Variants in KCNG2 observed in about 807,000 individuals in gnomAD.
KCNG2 encodes potassium voltage-gated channel modifier subfamily G member 2, also known as voltage-gated potassium channel regulatory subunit KCNG2.
A neutral mutation model predicts 12.3 loss-of-function variants in KCNG2; 7 were observed. That is an observed-to-expected ratio of 0.57 (90% confidence interval 0.32 to 1.07). KCNG2 has a LOEUF of 1.07. Among genes scored for constraint, KCNG2 ranks in the 50% least tolerant of loss-of-function variants. The probability of loss-of-function intolerance (pLI) is 0.04; values close to 1 mark genes in which losing one functional copy is unlikely to be tolerated. For synonymous variants in KCNG2, 414 were observed against 351.4 expected, an observed-to-expected ratio of 1.18 and a Z score of -1.99; for missense variants, 703 against 726.0, an observed-to-expected ratio of 0.97 and a Z score of 0.36.
chr18:79,848,830 TG>T (rs1978713827), intron 1 of KCNG2, among the ~76,000 whole-genome samples: 1 of 152,152 alleles, frequency 6.6e-6, no homozygotes, highest in Non-Finnish European at 1.5e-5. Flanking sequence ...ACTGCCCGGC[TG>T]GAAGAGCCTC....
chr18:79,850,922 G>A (rs1222465433), intron 1 of KCNG2, among the ~76,000 whole-genome samples: 1 of 152,162 alleles, frequency 6.6e-6, no homozygotes, highest in Non-Finnish European at 1.5e-5. Flanking sequence ...GAGTGGACGG[G>A]GCCTGCGGTT....
chr18:79,823,280 C>T (rs2087585857), intron 1 of KCNG2, among the ~76,000 whole-genome samples: 1 of 152,196 alleles, frequency 6.6e-6, no homozygotes, highest in African/African-American at 2.4e-5. Context: ...GGGCTGTTTC[C>T]AGGGTTTTGC....
intron 1 of KCNG2, among the ~76,000 whole-genome samples, chr18:79,828,449 GTGTGTGCAAATGTGTGTC>G (rs1978287859): frequency 6.6e-6 from 1 of 151,042 alleles, no homozygotes; most frequent in African/African-American, 2.4e-5. Context: ...AGTGTGTGGT[GTGTGTGCAAATGTGTGTC>G]TGTGTGTGCA....
intron 3 of KCNG2, among the ~76,000 whole-genome samples, chr18:79,873,375 CCTCT>C (rs1158218681): frequency 6.6e-6 from 1 of 151,552 alleles, no homozygotes; most frequent in Non-Finnish European, 1.5e-5. Context: ...ACTCCCGTTC[CCTCT>C]GTCACTCCCC....
At position 79,899,275 on chromosome 18, in the gene KCNG2, T is replaced by A; in HGVS notation, c.860T>A (p.Leu287Gln). Residue 287 changes from leucine to glutamine, a missense_variant, in exon 4 of 4, where the codon CTG (leucine) becomes CAG (glutamine). Transcript: ENST00000316249. Reference sequence around the variant, plus strand: ...CTCCTGGAGCGCGCGGGGCTGGTGCTGCGGCTGCTGCGTGCGCTGCGCGTG... The same window carrying A: ...CTCCTGGAGCGCGCGGGGCTGGTGCAGCGGCTGCTGCGTGCGCTGCGCGTG... ...TKLLERAGLV[L>Q]RLLRALRVLY... is the part of the protein sequence containing the mutation. 6.3e-7 allele frequency: 1 copy of A among 1,577,354 alleles called. No homozygotes were observed. Among genetic ancestry groups the A allele is most frequent in the Non-Finnish European group, 8.5e-7 (1 of 1,169,970 alleles).
At chr18:79,802,758 G>A (rs2087421152) in intron 1 of KCNG2, among the ~76,000 whole-genome samples, 1 of 152,060 alleles carries the variant, frequency 6.6e-6, no homozygotes, top group Non-Finnish European at 1.5e-5. Flanking sequence ...CTTTTGGAGG[G>A]GATGTCTTTG....
At chr18:79,814,542 T>A (rs2087514547) in intron 1 of KCNG2, among the ~76,000 whole-genome samples, 1 of 152,106 alleles carries the variant, frequency 6.6e-6, no homozygotes, top group South Asian at 2.1e-4. Context: ...AGGACAAGCT[T>A]ATAGAGATGA....
chr18:79,882,032 G>A (rs1980316805), intron 3 of KCNG2, among the ~76,000 whole-genome samples: 1 of 150,892 alleles, frequency 6.6e-6, no homozygotes. Context: ...CATGCCTTAC[G>A]TTTTATACAA....
intron 3 of KCNG2, among the ~76,000 whole-genome samples, chr18:79,889,742 T>C (rs1980680654): frequency 6.6e-6 from 1 of 152,244 alleles, no homozygotes; most frequent in Admixed American, 6.5e-5. Context: ...TTAACCTGCC[T>C]GATCGTCCTG....
intron 3 of KCNG2, among the ~76,000 whole-genome samples, chr18:79,868,633 TG>T (rs1386261620): frequency 2.0e-5 from 3 of 152,332 alleles, no homozygotes; most frequent in South Asian, 2.1e-4. Flanking sequence ...AGCGTCCAGC[TG>T]GGGGCTGGTG....
chr18:79,884,298 G>A lies in KCNG2; in HGVS notation c.625-14742G>A, dbSNP rs944156364. 1.3e-5 allele frequency among the ~76,000 whole-genome samples: 2 copies of A among 148,242 alleles called. No individual in the cohort carries two copies. The highest frequency in any genetic ancestry group is 2.1e-4 in the South Asian group (1 of 4,716). ...CACACCTGCACCCCCAAGAGAATTCGCCCCATCTAGGTCCCACCTAATGAC... is the reference window on the plus strand; with the variant it reads ...CACACCTGCACCCCCAAGAGAATTCACCCCATCTAGGTCCCACCTAATGAC... On this transcript the variant is annotated intron_variant, in intron 3 of 3. Coordinates refer to ENST00000316249, the MANE Select transcript of KCNG2 (RefSeq NM_012283.2). This position sits in a 1 kb window ranked among gnomAD's most constrained non-coding sequence, Gnocchi z 5.5.
At chr18:79,880,042 CTG>C (rs1215549072) in intron 3 of KCNG2, among the ~76,000 whole-genome samples, 5 of 152,280 alleles carry the variant, frequency 3.3e-5, no homozygotes, top group African/African-American at 9.6e-5. Flanking sequence ...TTTCTTAACA[CTG>C]TGAACGCGCA....
At chr18:79,851,817 T>A (rs1244073740) in intron 1 of KCNG2, among the ~76,000 whole-genome samples, 1 of 152,062 alleles carries the variant, frequency 6.6e-6, no homozygotes, top group Non-Finnish European at 1.5e-5. Context: ...TGAATGTGCA[T>A]GTGAATGGGT....
intron 1 of KCNG2, among the ~76,000 whole-genome samples, chr18:79,833,726 A>G (rs1568250518): frequency 6.6e-6 from 1 of 152,254 alleles, no homozygotes. Context: ...AATGAACATC[A>G]GTAATTAGGT....
At chr18:79,807,810 G>T (rs1220230043) in intron 1 of KCNG2, among the ~76,000 whole-genome samples, 259 of 138,818 alleles carry the variant, frequency 1.9e-3, no homozygotes, top group Middle Eastern at 4.1e-3. Flanking sequence ...CACGTTATGG[G>T]CCCAGAGTCC....
intron 1 of KCNG2, among the ~76,000 whole-genome samples, chr18:79,811,450 G>A (rs2087493631): frequency 6.6e-6 from 1 of 152,178 alleles, no homozygotes; most frequent in East Asian, 1.9e-4. Flanking sequence ...TTTGATGAGA[G>A]TGCCAAGACC....
chr18:79,873,426 T>TA, intron 3 of KCNG2, among the ~76,000 whole-genome samples: 1 of 86,710 alleles, frequency 1.2e-5, no homozygotes, highest in South Asian at 4.6e-4. Flanking sequence ...CCGGCCCCCC[T>TA]CCCCCCCCCC....
chr18:79,868,153 C>G (rs2123083669), intron 3 of KCNG2, among the ~76,000 whole-genome samples: 1 of 152,286 alleles, frequency 6.6e-6, no homozygotes, highest in Admixed American at 6.5e-5. Context: ...TTTGGGCTGC[C>G]CCAGCTACAG....
At chr18:79,877,811 A>C (rs955194296) in intron 3 of KCNG2, among the ~76,000 whole-genome samples, 4 of 152,192 alleles carry the variant, frequency 2.6e-5, no homozygotes, top group Non-Finnish European at 5.9e-5. Flanking sequence ...GGCGGACACC[A>C]TGTCAGCGGA....
Sources: gnomAD v4.1 joint callset for allele counts (sites outside exome capture counted in the v4.1 genomes callset) on GRCh38, gnomAD v4.1.1 for gene constraint, Gnocchi (gnomAD v3.1) non-coding constraint, MANE v1.5 for transcripts, NCBI Gene and HGNC (gene_info 2026-07-23, HGNC 2026-07-21) for gene names.